The following FARP1 variants were observed in gnomAD, a reference collection of about 807,000 sequenced individuals.
FARP1 encodes FERM, ARH/RhoGEF and pleckstrin domain protein 1.
In FARP1, 52 loss-of-function variants were observed where a neutral mutation model predicts 128.8. That is an observed-to-expected ratio of 0.40 (90% CI 0.32 to 0.51). FARP1 has a LOEUF of 0.51. FARP1 is among the 20% of genes least tolerant of loss of function. FARP1 has a pLI of 0.45. For synonymous variants in FARP1, 580 were observed against 551.8 expected (o/e 1.05, Z -0.72); for missense variants, 1,333 against 1,367.9 (o/e 0.97, Z 0.40).
At chr13:98,339,537 T>C (rs951493939) in intron 2 of FARP1, among the ~76,000 whole-genome samples, 1 of 152,192 alleles carries the variant, frequency 6.6e-6, no homozygotes, top group Non-Finnish European at 1.5e-5. Flanking sequence ...GCCATTGTCA[T>C]GTAGTGGGTG....
chr13:98,389,599 A>C, intron 9 of FARP1: 1 of 176,126 alleles, frequency 5.7e-6, no homozygotes, highest in Non-Finnish European at 1.2e-5. Flanking sequence ...CAGTGATTTT[A>C]AGGAGGCAGG....
intron 2 of FARP1, among the ~76,000 whole-genome samples, chr13:98,318,965 T>G (rs1451847761): frequency 2.0e-5 from 3 of 150,048 alleles, no homozygotes; most frequent in Admixed American, 6.6e-5. Context: ...TTTTTTTTTT[T>G]TTTTGTTTGT....
chr13:98,271,223 G>A (rs1205576878), intron 2 of FARP1, among the ~76,000 whole-genome samples: 1 of 152,098 alleles, frequency 6.6e-6, no homozygotes, highest in African/African-American at 2.4e-5. Flanking sequence ...AAATTAGGCC[G>A]AGAATCTGCC....
At chr13:98,287,355 G>A (rs1204132156) in intron 2 of FARP1, among the ~76,000 whole-genome samples, 21 of 150,278 alleles carry the variant, frequency 1.4e-4, no homozygotes, top group Non-Finnish European at 2.5e-4. Context: ...TCAGCCTCCC[G>A]AGTAGCTGGG....
At chr13:98,298,423 C>T (rs1885792192) in intron 2 of FARP1, among the ~76,000 whole-genome samples, 1 of 152,120 alleles carries the variant, frequency 6.6e-6, no homozygotes, top group African/African-American at 2.4e-5. Flanking sequence ...AAGACAGTTT[C>T]CAAAGGTGCA....
At chr13:98,411,433 C>G (rs886843139) in intron 15 of FARP1, among the ~76,000 whole-genome samples, 3 of 152,178 alleles carry the variant, frequency 2.0e-5, no homozygotes, top group African/African-American at 7.2e-5. Flanking sequence ...GTGAACCCAG[C>G]TCACCTCAGC....
In FARP1 at chr13:98,452,258, T is replaced by C. The variant is rs1893235970; in HGVS notation, c.*3941T>C. 6.6e-6 allele frequency: 1 copy of C among 152,304 alleles called. No homozygotes were observed. The highest frequency in any genetic ancestry group is 2.4e-5 in the African/African-American group (1 of 41,438). The allele number at this position is 152,304 out of a possible 1,614,324, so 9.4% of individuals were successfully genotyped here. On this transcript the variant is annotated 3_prime_UTR_variant, in exon 27 of 27. Transcript: ENST00000319562. The stretch of plus-strand genomic sequence containing the variant: ...TACAAGGTGCAACAGAAAATCGTAT[T>C]GGAAAGGACGGTACATCTGGCGCAG...
intron 1 of FARP1, among the ~76,000 whole-genome samples, chr13:98,172,588 G>T (rs561876522): frequency 6.6e-6 from 1 of 152,224 alleles, no homozygotes; most frequent in African/African-American, 2.4e-5. Flanking sequence ...CCCTTAACCT[G>T]CCCGCTTCCT....
intron 16 of FARP1, among the ~76,000 whole-genome samples, chr13:98,423,380 C>T (rs1175330733): frequency 1.3e-5 from 2 of 152,192 alleles, no homozygotes; most frequent in African/African-American, 2.4e-5. Context: ...CTTTGAAGAT[C>T]TCTCACTTCC....
intron 2 of FARP1, among the ~76,000 whole-genome samples, chr13:98,258,632 T>G (rs1163112317): frequency 2.0e-5 from 3 of 151,830 alleles, no homozygotes; most frequent in Non-Finnish European, 2.9e-5. Context: ...GGTTGGAGGA[T>G]CTCTTGAGGC....
At chr13:98,337,235 C>T (rs564147421) in intron 2 of FARP1, among the ~76,000 whole-genome samples, 7 of 152,080 alleles carry the variant, frequency 4.6e-5, no homozygotes. Context: ...CAGCCAGATG[C>T]GGTTTTGCGC....
At position 98,191,117 on chromosome 13, in the gene FARP1, G is replaced by A. The variant is rs1298110778; in HGVS notation, c.-23-22103G>A. 3.3e-5 allele frequency among the ~76,000 whole-genome samples: 5 copies of A among 152,250 alleles called. No individual in the cohort carries two copies. The East Asian group carries it at 7.7e-4, about 24-fold the overall frequency. ...TGCTGGAGGCATTAAGGGAACTCCC[G>A]GGCCTACCCCAGCTGTCGTGGTGAC... On this transcript the variant is annotated intron_variant, in intron 1 of 26. Transcript: ENST00000319562.
At chr13:98,424,533 T>G (rs2046908400) in intron 16 of FARP1, 39 bp from the exon 17 acceptor site, 3 of 1,343,218 alleles carry the variant, frequency 2.2e-6, no homozygotes, top group African/African-American at 1.4e-5. Context: ...ATGTCACTAC[T>G]GATGCTTTGT....
intron 24 of FARP1, among the ~76,000 whole-genome samples, chr13:98,441,535 C>T (rs1467759695): frequency 6.6e-6 from 1 of 152,252 alleles, no homozygotes; most frequent in African/African-American, 2.4e-5. Context: ...TCCGGGTTTT[C>T]TGGGCCTTTC....
chr13:98,438,939 C>T (rs577978792), intron 20 of FARP1, 67 bp downstream of exon 20: 108 of 1,559,398 alleles, frequency 6.9e-5, no homozygotes, highest in African/African-American at 2.6e-4. Context: ...CTCCCAAGGC[C>T]GGACCTCGGC....
intron 1 of FARP1, among the ~76,000 whole-genome samples, chr13:98,151,766 A>G (rs113219821): frequency 1.3e-3 from 186 of 143,108 alleles, no homozygotes; most frequent in African/African-American, 4.4e-3. Flanking sequence ...GGTTCAAGCA[A>G]TTCTCCTGCC....
intron 1 of FARP1, among the ~76,000 whole-genome samples, chr13:98,166,322 T>G (rs1477785878): frequency 6.6e-6 from 1 of 152,234 alleles, no homozygotes; most frequent in Non-Finnish European, 1.5e-5. Context: ...AGGCTGTATT[T>G]GTTTTTAATA....
intron 2 of FARP1, among the ~76,000 whole-genome samples, chr13:98,321,443 G>C (rs1391501705): frequency 6.6e-6 from 1 of 152,220 alleles, no homozygotes; most frequent in East Asian, 1.9e-4. Context: ...ATTGAAAACA[G>C]CTTCAGGGAA....
intron 4 of FARP1, 96 bp from the exon 5 acceptor site, chr13:98,368,021 T>G: frequency 1.3e-5 from 12 of 937,962 alleles, no homozygotes; most frequent in Non-Finnish European, 1.6e-5. Flanking sequence ...CAGCTTGGAA[T>G]GAGATGCATT....
Sources: gnomAD v4.1 joint callset for allele counts (sites outside exome capture counted in the v4.1 genomes callset) on GRCh38, gnomAD v4.1.1 for gene constraint, MANE v1.5 for transcripts, NCBI Gene and HGNC (gene_info 2026-07-23, HGNC 2026-07-21) for gene names.